DSCAML1: variants seen among roughly 807,000 people sequenced by gnomAD.
DSCAML1 encodes the protein DS cell adhesion molecule like 1.
A neutral mutation model predicts 200.5 loss-of-function variants in DSCAML1; 38 were observed. That is an observed-to-expected ratio of 0.19 (90% confidence interval 0.15 to 0.25). The LOEUF is 0.25. Among genes scored for constraint, DSCAML1 ranks in the 10% least tolerant of loss-of-function variants. The probability of loss-of-function intolerance (pLI) is 1.00; values close to 1 mark genes in which losing one functional copy is unlikely to be tolerated. For missense variants in DSCAML1, 2,223 were observed against 2,858.8 expected (o/e 0.78, Z 5.07); for synonymous variants, 1,215 against 1,165.0 (o/e 1.04, Z -0.87).
At chr11:117,661,220 A>C (rs2137644648) in intron 3 of DSCAML1, among the ~76,000 whole-genome samples, 1 of 152,272 alleles carries the variant, frequency 6.6e-6, no homozygotes, top group African/African-American at 2.4e-5. Flanking sequence ...ATTCCCCCAA[A>C]CAGCAGGAAG....
chr11:117,561,798 T>G (rs527285439), intron 3 of DSCAML1, among the ~76,000 whole-genome samples: 35 of 152,336 alleles, frequency 2.3e-4, no homozygotes, highest in African/African-American at 8.4e-4. Flanking sequence ...ATGAACGGCA[T>G]TGCAACTGCC....
At chr11:117,458,946 A>G in intron 18 of DSCAML1, 37 bp from the exon 19 acceptor site, 2 of 1,601,680 alleles carry the variant, frequency 1.2e-6, no homozygotes, top group Non-Finnish European at 1.7e-6. Flanking sequence ...ACCCAGCTCC[A>G]TCGGGCTGTG....
chr11:117,783,044 A>G (rs965580380), intron 1 of DSCAML1, among the ~76,000 whole-genome samples: 1 of 152,214 alleles, frequency 6.6e-6, no homozygotes, highest in African/African-American at 2.4e-5. Flanking sequence ...CCTTCCTCAG[A>G]CATAACCTGG....
At chr11:117,555,952 G>T (rs953214630) in intron 3 of DSCAML1, among the ~76,000 whole-genome samples, 3 of 151,826 alleles carry the variant, frequency 2.0e-5, no homozygotes, top group Non-Finnish European at 4.4e-5. Flanking sequence ...GAGGAGGGGC[G>T]GGGGAGGAGG....
At chr11:117,528,270 A>G (rs1446764328) in intron 4 of DSCAML1, among the ~76,000 whole-genome samples, 1 of 152,112 alleles carries the variant, frequency 6.6e-6, no homozygotes, top group African/African-American at 2.4e-5. Flanking sequence ...ATTCCGTGGC[A>G]CACTGCAGAA....
chr11:117,522,529 A>G (rs1257059288), intron 5 of DSCAML1, among the ~76,000 whole-genome samples: 4 of 152,192 alleles, frequency 2.6e-5, no homozygotes, highest in African/African-American at 7.2e-5. Context: ...ATAGCTTGGT[A>G]CCCCAAGTGA....
intron 24 of DSCAML1, 116 bp downstream of exon 24, chr11:117,438,769 C>T (rs1477600291): frequency 5.2e-6 from 5 of 965,696 alleles, no homozygotes; most frequent in Non-Finnish European, 7.2e-6. Flanking sequence ...GGTCACTTGG[C>T]CCCCAGATCG....
intron 3 of DSCAML1, among the ~76,000 whole-genome samples, chr11:117,720,414 C>T (rs963463215): frequency 3.9e-5 from 6 of 152,180 alleles, no homozygotes; most frequent in Middle Eastern, 3.4e-3. Flanking sequence ...TGAAGTGGGG[C>T]TGGGAGGGGA....
chr11:117,586,813 C>T (rs1030783764), intron 3 of DSCAML1, among the ~76,000 whole-genome samples: 1 of 152,188 alleles, frequency 6.6e-6, no homozygotes, highest in African/African-American at 2.4e-5. Flanking sequence ...GAGGAAGAAC[C>T]ACTTCTCTCC....
At chr11:117,758,350 T>C (rs1451524390) in intron 3 of DSCAML1, among the ~76,000 whole-genome samples, 1 of 151,972 alleles carries the variant, frequency 6.6e-6, no homozygotes, top group East Asian at 1.9e-4. Flanking sequence ...CTCTGTTTAT[T>C]TGAATTTTCA....
chr11:117,692,861 G>C (rs1455873657), intron 3 of DSCAML1, among the ~76,000 whole-genome samples: 1 of 152,154 alleles, frequency 6.6e-6, no homozygotes, highest in Non-Finnish European at 1.5e-5. Context: ...CCCAAGTTCT[G>C]CCCTCTGGAG....
chr11:117,708,924 C>T (rs77707678), intron 3 of DSCAML1, among the ~76,000 whole-genome samples: 2,120 of 152,284 alleles, frequency 0.014, 49 homozygotes, highest in African/African-American at 0.048. Context: ...CTGGGTCCTG[C>T]CCCAGAGTCA....
intron 3 of DSCAML1, among the ~76,000 whole-genome samples, chr11:117,710,381 G>A (rs938546060): frequency 5.3e-5 from 8 of 152,092 alleles, no homozygotes; most frequent in Non-Finnish European, 7.4e-5. Flanking sequence ...TTTGCCAGCC[G>A]GCAGCCTTCC....
At chr11:117,683,461 C>T (rs890803193) in intron 3 of DSCAML1, among the ~76,000 whole-genome samples, 2 of 152,196 alleles carry the variant, frequency 1.3e-5, no homozygotes, top group African/African-American at 2.4e-5. Flanking sequence ...GCGAGTTTCT[C>T]GACATCACTT....
chr11:117,529,475 A>G (rs2050035290), intron 4 of DSCAML1, among the ~76,000 whole-genome samples: 1 of 152,134 alleles, frequency 6.6e-6, no homozygotes, highest in Admixed American at 6.5e-5. Flanking sequence ...GAGGTTTGGA[A>G]CATTATTTTA....
At chr11:117,815,932 C>T (rs1357447535) in intron 1 of DSCAML1, among the ~76,000 whole-genome samples, 5 of 151,952 alleles carry the variant, frequency 3.3e-5, no homozygotes, top group Non-Finnish European at 7.4e-5. Flanking sequence ...TCTGCCAAAA[C>T]GGGTTGGGGA....
intron 3 of DSCAML1, among the ~76,000 whole-genome samples, chr11:117,553,140 G>A (rs2050498671): frequency 6.6e-6 from 1 of 152,170 alleles, no homozygotes; most frequent in East Asian, 1.9e-4. Flanking sequence ...ATTCACAATG[G>A]ATCGAAGGCC....
chr11:117,524,558 G>A (rs973075063), intron 5 of DSCAML1, among the ~76,000 whole-genome samples: 1 of 152,234 alleles, frequency 6.6e-6, no homozygotes, highest in Non-Finnish European at 1.5e-5. Context: ...ACGGCACTGA[G>A]CTGATGGTCA....
intron 14 of DSCAML1, among the ~76,000 whole-genome samples, chr11:117,476,550 C>T (rs866757058): frequency 1.3e-5 from 2 of 152,254 alleles, no homozygotes; most frequent in African/African-American, 4.8e-5. Flanking sequence ...ACAGCCCCTA[C>T]ACCAGCTTGC....
Sources: allele counts gnomAD v4.1 joint callset (sites outside exome capture counted in the v4.1 genomes callset), GRCh38; gene constraint gnomAD v4.1.1; transcripts MANE v1.5; gene names NCBI Gene and HGNC (gene_info 2026-07-23, HGNC 2026-07-21).